The following CDC14A variants were observed in gnomAD, a reference collection of about 807,000 sequenced individuals.
The protein encoded by CDC14A is dual specificity protein phosphatase CDC14A.
A neutral mutation model predicts 74.4 loss-of-function variants in CDC14A; 53 were observed. The observed-to-expected ratio is 0.71, with a 90% CI of 0.57 to 0.89. The LOEUF (loss-of-function observed/expected upper bound fraction) is 0.89. Among genes scored for constraint, CDC14A ranks in the 40% least tolerant of loss-of-function variants. The pLI, the probability that CDC14A is intolerant of heterozygous loss-of-function variation, is 0.00. For missense variants in CDC14A, 646 were observed against 713.7 expected, an observed-to-expected ratio of 0.91 and a Z score of 1.08; for synonymous variants, 247 against 258.4, an observed-to-expected ratio of 0.96 and a Z score of 0.43.
chr1:100,438,033 A>G (rs748655923), intron 5 of CDC14A, among the ~76,000 whole-genome samples: 3 of 152,162 alleles, frequency 2.0e-5, no homozygotes, highest in Non-Finnish European at 4.4e-5. Context: ...CTTATCAATT[A>G]TAAAGTTACA....
intron 4 of CDC14A, among the ~76,000 whole-genome samples, chr1:100,418,199 TTG>T (rs1476588917): frequency 1.3e-5 from 2 of 152,184 alleles, no homozygotes; most frequent in Non-Finnish European, 2.9e-5. Flanking sequence ...TGTTAACTTT[TTG>T]TTTTTATTGT....
In CDC14A at chr1:100,420,061, CACAT is replaced by C. The variant is rs1323890433; in HGVS notation, c.310-4159_310-4156del. Among the ~76,000 whole-genome samples the C allele has an allele frequency of 2.3e-3, 139 of 61,774 alleles. 1 individual carries two copies. Among genetic ancestry groups the C allele is most frequent in the African/African-American group, 5.2e-3 (132 of 25,160 alleles). 40.5% of individuals were successfully genotyped at this position (61,774 alleles called of 152,430 possible). ...ACACACACACACACACACACACACA[CACAT>C]ATATATATATATATATAGTGTGTAT... On this transcript the variant is annotated intron_variant, in intron 4 of 15. Coordinates refer to ENST00000336454, the MANE Select transcript of CDC14A (RefSeq NM_003672.4).
intron 5 of CDC14A, among the ~76,000 whole-genome samples, chr1:100,434,524 TAAA>T (rs2101108971): frequency 6.6e-6 from 1 of 152,306 alleles, no homozygotes; most frequent in South Asian, 2.1e-4. Context: ...AGAAAACCAT[TAAA>T]AAGTTTTAAG....
At chr1:100,473,965 T>G (rs1357178604) in intron 10 of CDC14A, among the ~76,000 whole-genome samples, 2 of 152,162 alleles carry the variant, frequency 1.3e-5, no homozygotes, top group African/African-American at 4.8e-5. Flanking sequence ...TCACCTGGAT[T>G]AAGTATGTTA....
At chr1:100,414,712 C>T (rs962856228) in intron 4 of CDC14A, among the ~76,000 whole-genome samples, 2 of 152,000 alleles carry the variant, frequency 1.3e-5, no homozygotes, top group African/African-American at 2.4e-5. Context: ...TCTGTTTTTG[C>T]GTTTTATATA....
At chr1:100,465,439 C>T (rs777946722) in intron 9 of CDC14A, among the ~76,000 whole-genome samples, 1 of 152,190 alleles carries the variant, frequency 6.6e-6, no homozygotes, top group Non-Finnish European at 1.5e-5. Flanking sequence ...TTAATTACAG[C>T]TGTATTGCTT....
chr1:100,442,817 G>A, intron 6 of CDC14A, 117 bp from the exon 7 acceptor site: 1 of 710,422 alleles, frequency 1.4e-6, no homozygotes, highest in East Asian at 2.7e-5. Flanking sequence ...AAACATCAAA[G>A]GTTTCAAGCT....
chr1:100,377,167 A>C (rs546312357), intron 2 of CDC14A, among the ~76,000 whole-genome samples: 137 of 151,804 alleles, frequency 9.0e-4, no homozygotes, highest in Admixed American at 2.0e-3. Context: ...CAGCCTCTCG[A>C]GTAGCTGGGA....
chr1:100,393,366 A>G lies in CDC14A; in HGVS notation c.309+2542A>G, dbSNP rs888445125. The G allele has an allele frequency of 4.5e-6, 4 of 891,670 alleles. No individual in the cohort carries two copies. The Admixed American group carries it at 6.8e-5, about 15-fold the overall frequency. 55.2% of individuals were successfully genotyped at this position (891,670 alleles called of 1,614,324 possible). ...CTCAGTTGTAACTGCTTGATGCTCTAACTAGGCCATAGAATTGTTTACACA... is the reference window on the plus strand; with the variant it reads ...CTCAGTTGTAACTGCTTGATGCTCTGACTAGGCCATAGAATTGTTTACACA... On this transcript the variant is annotated intron_variant, in intron 4 of 15. Transcript: ENST00000336454.
intron 5 of CDC14A, among the ~76,000 whole-genome samples, chr1:100,430,199 T>C (rs1437274564): frequency 6.6e-6 from 1 of 152,226 alleles, no homozygotes; most frequent in African/African-American, 2.4e-5. Context: ...AACATTTTTT[T>C]TATGCTGTTT....
chr1:100,516,627 C>T (rs1650259741), intron 15 of CDC14A, among the ~76,000 whole-genome samples: 2 of 152,108 alleles, frequency 1.3e-5, no homozygotes. Flanking sequence ...GCTCTGCCCT[C>T]TGACTGCTTG....
At position 100,390,718 on chromosome 1, in the gene CDC14A, T is replaced by A. The variant is rs757602119; in HGVS notation, c.217-14T>A. Reference sequence around the variant, plus strand: ...TCTATGGTTACACTAACTCTTTTTATCTCCTCTTTCTAGTCATACAGTTTG... The same window carrying A: ...TCTATGGTTACACTAACTCTTTTTAACTCCTCTTTCTAGTCATACAGTTTG... On this transcript the variant is annotated splice_polypyrimidine_tract_variant and intron_variant, in intron 3 of 15. Coordinates refer to ENST00000336454, the MANE Select transcript of CDC14A (RefSeq NM_003672.4). The A allele has an allele frequency of 6.5e-7, 1 of 1,548,260 alleles. No homozygotes were observed. Among genetic ancestry groups the A allele is most frequent in the South Asian group, 1.1e-5 (1 of 89,732 alleles).
At chr1:100,513,591 A>G (rs756118837) in intron 15 of CDC14A, among the ~76,000 whole-genome samples, 1 of 152,152 alleles carries the variant, frequency 6.6e-6, no homozygotes, top group Non-Finnish European at 1.5e-5. Flanking sequence ...AAGGACCTTA[A>G]TCTTTCATTA....
chr1:100,368,711 ATAGT>A (rs1251380069), intron 2 of CDC14A, among the ~76,000 whole-genome samples: 2 of 152,170 alleles, frequency 1.3e-5, no homozygotes, highest in Admixed American at 6.5e-5. Flanking sequence ...ATAGTTCCCA[ATAGT>A]TAGTTTTGCA....
chr1:100,516,841 C>T (rs1246246651), intron 15 of CDC14A, among the ~76,000 whole-genome samples: 1 of 152,064 alleles, frequency 6.6e-6, no homozygotes, highest in Non-Finnish European at 1.5e-5. Flanking sequence ...GATTCTTGAT[C>T]ATCTCACACC....
chr1:100,392,670 G>C (rs1294940174), intron 4 of CDC14A, among the ~76,000 whole-genome samples: 1 of 152,112 alleles, frequency 6.6e-6, no homozygotes, highest in African/African-American at 2.4e-5. Flanking sequence ...ATTAGACAAG[G>C]TAATAAACCA....
At chr1:100,386,119 A>G (rs1041440466) in intron 3 of CDC14A, among the ~76,000 whole-genome samples, 1 of 151,968 alleles carries the variant, frequency 6.6e-6, no homozygotes, top group Non-Finnish European at 1.5e-5. Context: ...GTGAGCCAAG[A>G]TCATGCCACT....
chr1:100,376,582 A>T (rs1655291682), intron 2 of CDC14A, among the ~76,000 whole-genome samples: 2 of 152,178 alleles, frequency 1.3e-5, no homozygotes, highest in African/African-American at 2.4e-5. Context: ...TGGACCCAGC[A>T]GGTAGCCGAG....
intron 5 of CDC14A, among the ~76,000 whole-genome samples, chr1:100,435,189 A>C (rs1664180803): frequency 6.6e-6 from 1 of 152,226 alleles, no homozygotes; most frequent in Non-Finnish European, 1.5e-5. Context: ...TGACTTTTAA[A>C]GACTGGGAAG....
Sources: gnomAD v4.1 joint callset for allele counts (sites outside exome capture counted in the v4.1 genomes callset) on GRCh38, gnomAD v4.1.1 for gene constraint, MANE v1.5 for transcripts, NCBI Gene and HGNC (gene_info 2026-07-23, HGNC 2026-07-21) for gene names.